Variants in KIF13A observed in about 807,000 individuals in gnomAD.
The protein encoded by KIF13A is kinesin-like protein KIF13A.
A neutral mutation model predicts 212.2 loss-of-function variants in KIF13A; 79 were observed. That is an observed-to-expected ratio of 0.37 (90% CI 0.31 to 0.45). KIF13A has a LOEUF of 0.45. Among genes scored for constraint, KIF13A ranks in the 20% least tolerant of loss-of-function variants. KIF13A has a pLI of 1.00. For missense variants in KIF13A, 1,901 were observed against 2,209.0 expected (o/e 0.86, Z 2.79); for synonymous variants, 789 against 808.6 (o/e 0.98, Z 0.41).
intron 4 of KIF13A, among the ~76,000 whole-genome samples, chr6:17,858,334 C>T (rs1768361598): frequency 6.6e-6 from 1 of 151,876 alleles, no homozygotes; most frequent in Admixed American, 6.6e-5. Context: ...TTCTAAACAC[C>T]CAGGTCTGTT....
intron 2 of KIF13A, among the ~76,000 whole-genome samples, chr6:17,949,617 A>G (rs2150568301): frequency 6.6e-6 from 1 of 152,242 alleles, no homozygotes; most frequent in African/African-American, 2.4e-5. Flanking sequence ...CCAGTTCTTA[A>G]TTTTCTAGAG....
chr6:17,804,537 G>A, intron 19 of KIF13A, 27 bp from the exon 20 acceptor site: 1 of 1,528,294 alleles, frequency 6.5e-7, no homozygotes, highest in Non-Finnish European at 8.8e-7. Context: ...GCCAGTGAGT[G>A]GACGAATAAG....
Position 17,794,826 on chromosome 6 carries a change from T to A in KIF13A, c.2943-122A>T, listed in dbSNP as rs1255447341. 4 of 1,025,056 alleles carry A rather than the reference T, an allele frequency of 3.9e-6. No individual in the cohort carries two copies. The Admixed American group carries it at 1.1e-4, about 29-fold the overall frequency. 63.5% of individuals were successfully genotyped at this position (1,025,056 alleles called of 1,614,324 possible). A position where few individuals can be genotyped will look rare whatever the true frequency, so the allele number is the denominator to read the frequency against. ...TAGGCACTGTGCCATTTATCTTGTA[T>A]AAGTTACTTCCTTATTTAACTCTCA... On this transcript the variant is annotated intron_variant, in intron 23 of 38. Transcript: ENST00000259711. This position sits in a 1 kb window ranked among gnomAD's most constrained non-coding sequence, Gnocchi z 4.1.
chr6:17,799,283 T>C lies in KIF13A; in HGVS notation c.2773A>G (p.Thr925Ala). Residue 925 changes from threonine to alanine, a missense_variant, in exon 22 of 39, where the codon ACC becomes GCC. Around this residue, in one of 5 missense-constraint regions of KIF13A, gnomAD observed 534 missense variants for 536.9 expected, o/e 0.99. Transcript: ENST00000259711. This position sits in a 1 kb window ranked among gnomAD's most constrained non-coding sequence, Gnocchi z 4.4. ...PQSKDAQYTVTFSHCKDYVVN... is the reference protein window; with the variant it reads ...PQSKDAQYTVAFSHCKDYVVN... The stretch of plus-strand genomic sequence containing the variant: ...ATTTGTACCTTACAGTGGGAGAAGG[T>C]CACTGTGTACTGGGCATCCTTGGAC... 1 of 1,602,196 alleles carries C rather than the reference T, an allele frequency of 6.2e-7. No homozygotes were observed. Among genetic ancestry groups the C allele is most frequent in the Non-Finnish European group, 8.5e-7 (1 of 1,174,650 alleles).
chr6:17,798,073 G>GAA (rs1232693098), intron 22 of KIF13A, among the ~76,000 whole-genome samples: 1 of 152,174 alleles, frequency 6.6e-6, no homozygotes, highest in South Asian at 2.1e-4. Context: ...CTAATTTGCA[G>GAA]AAACAGTTGT....
Position 17,872,824 on chromosome 6 carries a change from C to T in KIF13A, c.220+553G>A, listed in dbSNP as rs1053985380. ...ATAAGTTTTGTATGTTTAGTAGAGA[C>T]GGGGTTTTGCTATGTTATTCAAGCT... On this transcript the variant is annotated intron_variant, in intron 4 of 38. Transcript: ENST00000259711. The surrounding 1 kb of genome is among the most constrained non-coding windows in gnomAD (Gnocchi z 4.7). 1.4e-4 allele frequency among the ~76,000 whole-genome samples: 22 copies of T among 151,974 alleles called. No individual in the cohort carries two copies. Among genetic ancestry groups the T allele is most frequent in the African/African-American group, 5.1e-4 (21 of 41,386 alleles).
chr6:17,775,053 TG>T lies in KIF13A; in HGVS notation c.4179del (p.Ser1394AlafsTer32). On this transcript the variant is annotated frameshift_variant, in exon 35 of 39. Coordinates refer to ENST00000259711, the MANE Select transcript of KIF13A (RefSeq NM_022113.6). LOFTEE classifies it high-confidence loss of function. The stretch of plus-strand genomic sequence containing the variant: ...TCAAAGCCAGAAAGGTCCGGTCGGC[TG>T]GAAGAGACCTATAAGAGAAGAATGG... Reference protein sequence around the residue: ...LSTPNVHNVSSSRPDLSGFDE... With the variant: ...LSTPNVHNVSXSRPDLSGFDE... 1.9e-6 allele frequency: 3 copies of T among 1,611,712 alleles called. No individual in the cohort carries two copies. The highest frequency in any genetic ancestry group is 2.5e-6 in the Non-Finnish European group (3 of 1,178,772).
chr6:17,979,874 G>A (rs1011858790), intron 2 of KIF13A, among the ~76,000 whole-genome samples: 3 of 151,966 alleles, frequency 2.0e-5, no homozygotes, highest in Non-Finnish European at 4.4e-5. Flanking sequence ...GTAAGATGTA[G>A]TGGAGGAAAT....
At chr6:17,980,558 G>C (rs1362784445) in intron 2 of KIF13A, among the ~76,000 whole-genome samples, 1 of 152,098 alleles carries the variant, frequency 6.6e-6, no homozygotes, top group Non-Finnish European at 1.5e-5. Context: ...TCTAAGAAGA[G>C]GAACTCTAGA....
rs1701993138 is a variant in KIF13A, at chr6:17,886,997, A to G, written c.159+11171T>C. 6.6e-6 allele frequency among the ~76,000 whole-genome samples: 1 copy of G among 152,154 alleles called. No individual in the cohort carries two copies. Among genetic ancestry groups the G allele is most frequent in the Admixed American group, 6.5e-5 (1 of 15,274 alleles). On this transcript the variant is annotated intron_variant, in intron 3 of 38. Coordinates refer to ENST00000259711, the MANE Select transcript of KIF13A (RefSeq NM_022113.6). The surrounding 1 kb of genome is among the most constrained non-coding windows in gnomAD (Gnocchi z 5.6). ...TGATTCCTGGCCCTCCTGGTAAGGG[A>G]ATTACACATCCCTGCCTATTGCCAC...
At chr6:17,844,044 C>CAAAAA (rs35763673) in intron 9 of KIF13A, among the ~76,000 whole-genome samples, 2 of 114,986 alleles carry the variant, frequency 1.7e-5, no homozygotes, top group Non-Finnish European at 3.6e-5. Context: ...GACTCCATCT[C>CAAAAA]AAAAAAAAAA....
chr6:17,987,502 G>C lies in KIF13A; in HGVS notation c.-39C>G, dbSNP rs778451767. On this transcript the variant is annotated 5_prime_UTR_variant, in exon 1 of 39. Coordinates refer to ENST00000259711, the MANE Select transcript of KIF13A (RefSeq NM_022113.6). The surrounding 1 kb of genome is among the most constrained non-coding windows in gnomAD (Gnocchi z 7.7). ...GCCCGGCCGCTCGCCGCGCCCGCTC[G>C]GCCTTAGGCGGCCCCTCACGCGCGG... The C allele has an allele frequency of 6.4e-6, 7 of 1,102,092 alleles. No individual in the cohort carries two copies. Among genetic ancestry groups the C allele is most frequent in the Non-Finnish European group, 6.8e-6 (6 of 886,154 alleles). The allele number at this position is 1,102,092 out of a possible 1,614,324, so 68.3% of individuals were successfully genotyped here. A position where few individuals can be genotyped will look rare whatever the true frequency, so the allele number is the denominator to read the frequency against.
At chr6:17,765,558 A>T (rs1267213121) in intron 38 of KIF13A, among the ~76,000 whole-genome samples, 1 of 152,204 alleles carries the variant, frequency 6.6e-6, no homozygotes, top group Admixed American at 6.5e-5. Flanking sequence ...ACAATCTGAC[A>T]ATTACGGTCT....
chr6:17,906,529 G>A (rs141779965), intron 2 of KIF13A, among the ~76,000 whole-genome samples: 2,311 of 147,358 alleles, frequency 0.016, 26 homozygotes, highest in Middle Eastern at 0.032. Flanking sequence ...GCTCATTGTA[G>A]CCTCAACCTC....
rs1766113598 is a variant in KIF13A at position 17,837,837 on chromosome 6, C to T, written c.831-254G>A. 6.6e-6 allele frequency among the ~76,000 whole-genome samples: 1 copy of T among 151,918 alleles called. No individual in the cohort carries two copies. Among genetic ancestry groups the T allele is most frequent in the Non-Finnish European group, 1.5e-5 (1 of 67,986 alleles). On this transcript the variant is annotated intron_variant, in intron 9 of 38. Coordinates refer to ENST00000259711, the MANE Select transcript of KIF13A (RefSeq NM_022113.6). This position sits in a 1 kb window ranked among gnomAD's most constrained non-coding sequence, Gnocchi z 5.4. ...GCGTGGTGGCAGGTGCCTGTAATCC[C>T]AGCTACTTGGGAGGCTGAAGCAGGA...
Position 17,764,625 on chromosome 6 carries a change from G to A in KIF13A, c.4903C>T (p.His1635Tyr), listed in dbSNP as rs1260024724. Residue 1635 changes from histidine (H) to tyrosine (Y), a missense_variant, in exon 39 of 39, where the codon CAC becomes TAC. His to Tyr is a moderately conservative substitution (Grantham distance 83, BLOSUM62 2). Coordinates refer to ENST00000259711, the MANE Select transcript of KIF13A (RefSeq NM_022113.6). The surrounding 1 kb of genome is among the most constrained non-coding windows in gnomAD (Gnocchi z 5.1). ...IQTKDADSTE[H>Y]STPSLVHDFR... The stretch of plus-strand genomic sequence containing the variant: ...TCATGCACAAGCGATGGTGTGGAGT[G>A]CTCGGTGGAGTCTGCATCCTTCGTC... The A allele has an allele frequency of 6.8e-6, 11 of 1,607,458 alleles. No individual in the cohort carries two copies. The highest frequency in any genetic ancestry group is 2.2e-5 in the East Asian group (1 of 44,500).
chr6:17,835,664 C>A (rs192462251), intron 11 of KIF13A, among the ~76,000 whole-genome samples: 1 of 152,190 alleles, frequency 6.6e-6, no homozygotes, highest in Non-Finnish European at 1.5e-5. Flanking sequence ...AGAGCCACAG[C>A]CTGGAAGAAG....
chr6:17,791,159 C>T (rs1761514388), intron 25 of KIF13A, among the ~76,000 whole-genome samples: 2 of 149,130 alleles, frequency 1.3e-5, no homozygotes, highest in African/African-American at 2.5e-5. Context: ...ATATGACTAA[C>T]TTATTAAATG....
chr6:17,858,266 C>G (rs1768355391), intron 4 of KIF13A, among the ~76,000 whole-genome samples: 1 of 152,064 alleles, frequency 6.6e-6, no homozygotes, highest in Admixed American at 6.6e-5. Flanking sequence ...GTAACTTCCA[C>G]CAAACAAGTT....
Sources: allele counts gnomAD v4.1 joint callset (sites outside exome capture counted in the v4.1 genomes callset), GRCh38; gene constraint gnomAD v4.1.1; regional missense constraint gnomAD v4.1.1; non-coding constraint Gnocchi (gnomAD v3.1); transcripts MANE v1.5; gene names NCBI Gene and HGNC (gene_info 2026-07-23, HGNC 2026-07-21).